The following SORCS1 variants were observed in gnomAD, a reference collection of about 807,000 sequenced individuals.
SORCS1 encodes the protein VPS10 domain-containing receptor SorCS1.
In SORCS1, 60 loss-of-function variants were observed where a neutral mutation model predicts 146.1. The ratio of observed to expected loss-of-function variants is 0.41; its 90% CI spans 0.33 to 0.51. SORCS1 has a LOEUF of 0.51. Among genes scored for constraint, SORCS1 ranks in the 20% least tolerant of loss-of-function variants. The pLI, the probability that SORCS1 is intolerant of heterozygous loss-of-function variation, is 0.21. For missense variants in SORCS1, 1,352 were observed against 1,487.6 expected (o/e 0.91, Z 1.50); for synonymous variants, 637 against 584.0 (o/e 1.09, Z -1.31).
chr10:106,935,131 T>G, intron 2 of SORCS1, among the ~76,000 whole-genome samples: 1 of 152,018 alleles, frequency 6.6e-6, no homozygotes, highest in East Asian at 1.9e-4. Flanking sequence ...CACTTACAAA[T>G]GAGGAAACTG....
chr10:106,874,928 T>A (rs1950543250), intron 2 of SORCS1, among the ~76,000 whole-genome samples: 1 of 152,216 alleles, frequency 6.6e-6, no homozygotes, highest in Non-Finnish European at 1.5e-5. Flanking sequence ...TTTGTGTTTT[T>A]TCTGCTTGTT....
In SORCS1 at chr10:106,962,922, G is replaced by A. The variant is rs530017246; in HGVS notation, c.559-6342C>T. 3.5e-4 allele frequency among the ~76,000 whole-genome samples: 54 copies of A among 152,166 alleles called. 1 individual carries two copies. The South Asian group carries it at 0.011, about 31-fold the overall frequency. The stretch of plus-strand genomic sequence containing the variant: ...GCCTTAGTGTTTTTTCATTGTCCAA[G>A]CTCCGATAGCTACCTCTCTGCTTAT... On this transcript the variant is annotated intron_variant, in intron 1 of 25. Transcript: ENST00000263054.
At chr10:106,577,706 A>T in intron 25 of SORCS1, 151 bp from the exon 26 acceptor site, 2 of 1,415,670 alleles carry the variant, frequency 1.4e-6, no homozygotes, top group South Asian at 3.1e-5. Context: ...ACCCTACGGA[A>T]ATGCGACTGA....
chr10:106,701,314 A>T (rs1285148016), intron 8 of SORCS1, among the ~76,000 whole-genome samples: 1 of 151,960 alleles, frequency 6.6e-6, no homozygotes, highest in Non-Finnish European at 1.5e-5. Context: ...ACTTTTTCCT[A>T]CTTTCTTCTA....
intron 5 of SORCS1, among the ~76,000 whole-genome samples, chr10:106,752,927 A>T (rs1015784178): frequency 2.0e-5 from 3 of 152,308 alleles, no homozygotes; most frequent in Non-Finnish European, 2.9e-5. Flanking sequence ...ATGGAAGCCT[A>T]TTTTTAAAAA....
At chr10:106,674,594 G>C (rs1419889892) in intron 14 of SORCS1, among the ~76,000 whole-genome samples, 1 of 152,162 alleles carries the variant, frequency 6.6e-6, no homozygotes, top group Admixed American at 6.5e-5. Context: ...AGACAAAAAT[G>C]AGTGTAAATG....
chr10:106,866,421 G>A (rs1392702460), intron 2 of SORCS1, among the ~76,000 whole-genome samples: 3 of 152,152 alleles, frequency 2.0e-5, no homozygotes, highest in African/African-American at 7.2e-5. Context: ...GCATCTCTCT[G>A]GGGTAGAGTC....
At chr10:106,608,213 G>C (rs956023129) in intron 22 of SORCS1, among the ~76,000 whole-genome samples, 119 of 152,272 alleles carry the variant, frequency 7.8e-4, no homozygotes, top group African/African-American at 2.7e-3. Flanking sequence ...CTGCAATATG[G>C]TCCCATGCTT....
At chr10:106,952,069 A>G (rs1954712210) in intron 2 of SORCS1, among the ~76,000 whole-genome samples, 1 of 152,094 alleles carries the variant, frequency 6.6e-6, no homozygotes, top group South Asian at 2.1e-4. Flanking sequence ...CTCTCATTTT[A>G]TCTCCTTACC....
At chr10:106,719,633 G>A (rs765551082) in intron 6 of SORCS1, among the ~76,000 whole-genome samples, 7 of 151,972 alleles carry the variant, frequency 4.6e-5, no homozygotes, top group Non-Finnish European at 8.8e-5. Context: ...GGATGGTCTC[G>A]ATCTCTTGAT....
chr10:106,903,330 C>T (rs1951790987), intron 2 of SORCS1, among the ~76,000 whole-genome samples: 1 of 152,122 alleles, frequency 6.6e-6, no homozygotes, highest in Non-Finnish European at 1.5e-5. Flanking sequence ...GTATACAAAG[C>T]AGTAAAGCCA....
chr10:106,698,402 T>C (rs776311298), intron 9 of SORCS1, among the ~76,000 whole-genome samples: 21 of 152,226 alleles, frequency 1.4e-4, no homozygotes, highest in Non-Finnish European at 2.4e-4. Context: ...ATTGTTACAC[T>C]TCCCAAATTC....
At chr10:106,866,124 C>T (rs1408034459) in intron 2 of SORCS1, among the ~76,000 whole-genome samples, 1 of 152,120 alleles carries the variant, frequency 6.6e-6, no homozygotes, top group Non-Finnish European at 1.5e-5. Context: ...GAGCCAATAG[C>T]AGCTCTGTAA....
chr10:106,894,103 G>C (rs1951352634), intron 2 of SORCS1, among the ~76,000 whole-genome samples: 1 of 152,212 alleles, frequency 6.6e-6, no homozygotes, highest in Non-Finnish European at 1.5e-5. Context: ...GGTGGAAGCA[G>C]CAGGTGGCAA....
chr10:106,978,426 A>G (rs555373235), intron 1 of SORCS1, among the ~76,000 whole-genome samples: 1 of 152,212 alleles, frequency 6.6e-6, no homozygotes, highest in South Asian at 2.1e-4. Context: ...CAGAGGTGAC[A>G]CATACAGTAC....
intron 1 of SORCS1, among the ~76,000 whole-genome samples, chr10:107,155,323 T>A (rs1423805011): frequency 6.6e-6 from 1 of 152,166 alleles, no homozygotes; most frequent in Non-Finnish European, 1.5e-5. Flanking sequence ...TGTGCAAATC[T>A]TAAGGAAATG....
intron 6 of SORCS1, among the ~76,000 whole-genome samples, chr10:106,710,172 G>A (rs1034443443): frequency 6.6e-6 from 1 of 152,164 alleles, no homozygotes; most frequent in Non-Finnish European, 1.5e-5. Flanking sequence ...AACAGAGCCG[G>A]GAGCTGTGGC....
At chr10:106,876,827 T>C (rs1361342233) in intron 2 of SORCS1, among the ~76,000 whole-genome samples, 1 of 152,212 alleles carries the variant, frequency 6.6e-6, no homozygotes, top group Non-Finnish European at 1.5e-5. Flanking sequence ...CATGTCACAA[T>C]ATAACTTCTC....
chr10:107,041,649 T>TA (rs889644761), intron 1 of SORCS1, among the ~76,000 whole-genome samples: 2 of 152,136 alleles, frequency 1.3e-5, no homozygotes, highest in Non-Finnish European at 2.9e-5. Context: ...TTTGTTCCTA[T>TA]ATTCAACAGA....
Sources: gnomAD v4.1 joint callset for allele counts (sites outside exome capture counted in the v4.1 genomes callset) on GRCh38, gnomAD v4.1.1 for gene constraint, MANE v1.5 for transcripts, NCBI Gene and HGNC (gene_info 2026-07-23, HGNC 2026-07-21) for gene names.